The following STXBP5 variants were observed in gnomAD, a reference collection of about 807,000 sequenced individuals.
STXBP5 encodes the protein syntaxin binding protein 5.
A neutral mutation model predicts 152.4 loss-of-function variants in STXBP5; 50 were observed. The ratio of observed to expected loss-of-function variants is 0.33; its 90% CI spans 0.26 to 0.42. The LOEUF (loss-of-function observed/expected upper bound fraction) is 0.42, where lower values mean the gene tolerates loss of function less well. Ranked by LOEUF, STXBP5 falls within the 10% of genes least tolerant of loss-of-function variation. The pLI is 1.00. For synonymous variants in STXBP5, 492 were observed against 494.7 expected (o/e 0.99, Z 0.07); for missense variants, 1,167 against 1,388.6 (o/e 0.84, Z 2.54).
intron 26 of STXBP5, among the ~76,000 whole-genome samples, chr6:147,382,268 A>G (rs1378963762): frequency 6.6e-6 from 1 of 152,174 alleles, no homozygotes; most frequent in Non-Finnish European, 1.5e-5. Flanking sequence ...TAGCATGCCT[A>G]CAATTTTTGG....
At chr6:147,291,778 C>A (rs1781288538) in intron 9 of STXBP5, among the ~76,000 whole-genome samples, 1 of 151,916 alleles carries the variant, frequency 6.6e-6, no homozygotes, top group Admixed American at 6.6e-5. Flanking sequence ...TGTGAAGATT[C>A]CACATCTCTT....
intron 2 of STXBP5, among the ~76,000 whole-genome samples, chr6:147,220,603 T>G (rs1290951943): frequency 1.3e-5 from 2 of 152,164 alleles, no homozygotes; most frequent in Admixed American, 6.5e-5. Context: ...CTTGGAGAAT[T>G]GACTCTTTTT....
In STXBP5 at chr6:147,364,049, C is replaced by G. The variant is rs1785185638; in HGVS notation, c.2964C>G (p.Thr988=). ...PLLDVYYLPL[T]NMRIARTFCF... Reference sequence around the variant, plus strand: ...TGGATGTGTATTACTTGCCCCTTACCAATATGCGGATAGCCAGAACGTTCT... The same window carrying G: ...TGGATGTGTATTACTTGCCCCTTACGAATATGCGGATAGCCAGAACGTTCT... The change falls in exon 25 of 28, where the codon ACC becomes ACG. Residue 988 remains threonine (T), a synonymous_variant. Transcript: ENST00000321680. The G allele has an allele frequency of 6.2e-7, 1 of 1,613,958 alleles. No individual in the cohort carries two copies. Among genetic ancestry groups the G allele is most frequent in the Non-Finnish European group, 8.5e-7 (1 of 1,179,992 alleles).
At chr6:147,372,950 A>C (rs1785629973) in intron 25 of STXBP5, among the ~76,000 whole-genome samples, 1 of 152,184 alleles carries the variant, frequency 6.6e-6, no homozygotes, top group Non-Finnish European at 1.5e-5. Context: ...TTCTCTTCCT[A>C]GCATGTGTTT....
chr6:147,322,579 A>G (rs1782989647), intron 16 of STXBP5, among the ~76,000 whole-genome samples: 1 of 152,216 alleles, frequency 6.6e-6, no homozygotes, highest in Admixed American at 6.5e-5. Flanking sequence ...GTGGCAGGAA[A>G]TTCAACATCG....
chr6:147,334,575 A>G (rs922510338), intron 19 of STXBP5, among the ~76,000 whole-genome samples: 7 of 152,162 alleles, frequency 4.6e-5, no homozygotes, highest in Non-Finnish European at 8.8e-5. Flanking sequence ...TTTAACACTT[A>G]TAATCTAATC....
intron 26 of STXBP5, among the ~76,000 whole-genome samples, chr6:147,380,396 G>A (rs1786024945): frequency 6.8e-6 from 1 of 148,002 alleles, no homozygotes; most frequent in East Asian, 2.0e-4. Flanking sequence ...AGAAAATTAC[G>A]TGGCCAAAGA....
rs1183030376 is a variant in STXBP5 at position 147,260,630 on chromosome 6, T to C, written c.447T>C (p.His149=). The C allele has an allele frequency of 6.2e-7, 1 of 1,613,778 alleles. No individual in the cohort carries two copies. Among genetic ancestry groups the C allele is most frequent in the Non-Finnish European group, 8.5e-7 (1 of 1,179,724 alleles). The stretch of plus-strand genomic sequence containing the variant: ...TCTCTTGCAGGGTTACATTTTGCCA[T>C]CTGCCTTTCCAGAGTAAGTGGCTCT... ...KFCRERVTFC[H]LPFQSKWLYV... The change falls in exon 5 of 28, where the codon CAT becomes CAC. Residue 149 remains histidine, a synonymous_variant. Coordinates refer to ENST00000321680, the MANE Select transcript of STXBP5 (RefSeq NM_001127715.4).
chr6:147,212,937 T>G (rs1776933722), intron 2 of STXBP5, among the ~76,000 whole-genome samples: 1 of 152,186 alleles, frequency 6.6e-6, no homozygotes, highest in South Asian at 2.1e-4. Context: ...ATTAACAAAA[T>G]TCACCTTCTT....
At chr6:147,222,239 T>A (rs941369631) in intron 2 of STXBP5, among the ~76,000 whole-genome samples, 1 of 152,214 alleles carries the variant, frequency 6.6e-6, no homozygotes, top group Non-Finnish European at 1.5e-5. Context: ...ATTGCAACAT[T>A]ACTGCCATTT....
rs764272275 is a variant in STXBP5 at position 147,334,174 on chromosome 6, A to T, written c.2098A>T (p.Ser700Cys). Reference sequence around the variant, plus strand: ...TTTTGTAGCCGGTCTGTGTGATATTAGTGAAGGGACTGTTGTTCCAGAGGA... The same window carrying T: ...TTTTGTAGCCGGTCTGTGTGATATTTGTGAAGGGACTGTTGTTCCAGAGGA... ...QPSGAGLCDISEGTVVPEDRC... is the reference protein window; with the variant it reads ...QPSGAGLCDICEGTVVPEDRC... Residue 700 changes from serine (S) to cysteine (C), a missense_variant, in exon 19 of 28, where the codon AGT becomes TGT. Around this residue, in one of 3 missense-constraint regions of STXBP5, gnomAD observed 833 missense variants for 986.3 expected, o/e 0.84. Transcript: ENST00000321680. The T allele has an allele frequency of 6.2e-7, 1 of 1,612,888 alleles. No homozygotes were observed. Among genetic ancestry groups the T allele is most frequent in the Non-Finnish European group, 8.5e-7 (1 of 1,179,542 alleles).
chr6:147,353,783 T>G (rs1023799653), intron 22 of STXBP5, among the ~76,000 whole-genome samples: 84 of 152,300 alleles, frequency 5.5e-4, no homozygotes, highest in African/African-American at 1.9e-3. Context: ...TTTTCTGTAT[T>G]ACAGTGAATC....
chr6:147,241,702 G>T (rs963290986), intron 4 of STXBP5, among the ~76,000 whole-genome samples: 1 of 150,592 alleles, frequency 6.6e-6, no homozygotes, highest in East Asian at 1.9e-4. Flanking sequence ...TATAGATTAG[G>T]GATGTTATAG....
intron 8 of STXBP5, among the ~76,000 whole-genome samples, chr6:147,288,728 AAAAG>A (rs1781122818): frequency 6.6e-6 from 1 of 152,174 alleles, no homozygotes; most frequent in African/African-American, 2.4e-5. Flanking sequence ...CATAAAGAAA[AAAAG>A]AGACCAAGGC....
chr6:147,367,825 G>A (rs188914186), intron 25 of STXBP5, among the ~76,000 whole-genome samples: 1 of 152,072 alleles, frequency 6.6e-6, no homozygotes, highest in African/African-American at 2.4e-5. Context: ...AGTAATAAGA[G>A]AAGTCTCATT....
In STXBP5 at chr6:147,218,199, T is replaced by C. The variant is rs376037827; in HGVS notation, c.248+12131T>C. 7.9e-5 allele frequency among the ~76,000 whole-genome samples: 12 copies of C among 152,308 alleles called. 1 individual carries two copies. In the East Asian group the frequency reaches 1.2e-3, roughly 15 times the overall value. ...AATCTACATTGACACATCATTTTCA[T>C]CCAAAGTCCATAGTTTATGATAGGG... is the stretch of plus-strand genomic sequence containing the variant. On this transcript the variant is annotated intron_variant, in intron 2 of 27. Transcript: ENST00000321680.
intron 4 of STXBP5, among the ~76,000 whole-genome samples, chr6:147,256,402 A>G (rs1779368579): frequency 6.6e-6 from 1 of 152,198 alleles, no homozygotes; most frequent in Non-Finnish European, 1.5e-5. Flanking sequence ...ATAGAAGGGC[A>G]TATAGGAGGA....
At chr6:147,210,821 T>G (rs1562410019) in intron 2 of STXBP5, among the ~76,000 whole-genome samples, 1 of 152,044 alleles carries the variant, frequency 6.6e-6, no homozygotes, top group Admixed American at 6.5e-5. Flanking sequence ...GATTATTACA[T>G]TATTATTATA....
intron 2 of STXBP5, among the ~76,000 whole-genome samples, chr6:147,222,015 AT>A (rs959618930): frequency 6.6e-6 from 1 of 151,672 alleles, no homozygotes; most frequent in African/African-American, 2.4e-5. Context: ...TTAAGAGACT[AT>A]TTCCTTAGCT....
Sources: allele counts gnomAD v4.1 joint callset (sites outside exome capture counted in the v4.1 genomes callset), GRCh38; gene constraint gnomAD v4.1.1; regional missense constraint gnomAD v4.1.1; transcripts MANE v1.5; gene names NCBI Gene and HGNC (gene_info 2026-07-23, HGNC 2026-07-21).